The following EEF1A2 variants were observed in gnomAD, a reference collection of about 807,000 sequenced individuals.
EEF1A2 encodes the protein elongation factor 1-alpha 2.
A neutral mutation model predicts 39.3 loss-of-function variants in EEF1A2; 5 were observed. The observed-to-expected ratio is 0.13, with a 90% CI of 0.07 to 0.27. The LOEUF is 0.27. Ranked by LOEUF, EEF1A2 falls within the 10% of genes least tolerant of loss-of-function variation. EEF1A2 has a pLI of 1.00. For synonymous variants in EEF1A2, 287 were observed against 293.7 expected, an observed-to-expected ratio of 0.98 and a Z score of 0.23; for missense variants, 218 against 681.4, an observed-to-expected ratio of 0.32 and a Z score of 7.57.
chr20:63,495,111 AG>A lies in EEF1A2; in HGVS notation c.325-11del. 6.2e-7 allele frequency: 1 copy of A among 1,604,118 alleles called. No homozygotes were observed. The highest frequency in any genetic ancestry group is 8.5e-7 in the Non-Finnish European group (1 of 1,177,242). ...GCACTGCGCAGTCCGCCTGCCCGGC[AG>A]GGGACACAGTGAGCCCTGCCCCGCC... On this transcript the variant is annotated splice_polypyrimidine_tract_variant and intron_variant, in intron 3 of 7. Transcript: ENST00000217182.
chr20:63,488,744 G>A (rs1186986611), intron 7 of EEF1A2, among the ~76,000 whole-genome samples, 174 bp downstream of exon 7: 1 of 152,222 alleles, frequency 6.6e-6, no homozygotes, highest in Non-Finnish European at 1.5e-5. Context: ...TCTGGGCAGG[G>A]TCACCTGCAC....
chr20:63,490,946 C>T (rs1430766819), intron 5 of EEF1A2, among the ~76,000 whole-genome samples: 3 of 152,192 alleles, frequency 2.0e-5, no homozygotes, highest in Admixed American at 1.3e-4. Context: ...GGCTCTCCCA[C>T]CCAGCTGGGG....
intron 5 of EEF1A2, among the ~76,000 whole-genome samples, chr20:63,492,491 TGGACAGAA>T: frequency 6.6e-6 from 1 of 151,768 alleles, no homozygotes; most frequent in Non-Finnish European, 1.5e-5. Flanking sequence ...GATGGATGGA[TGGACAGAA>T]GGATGGATGG....
rs2145944984 is a variant in EEF1A2 at position 63,495,107 on chromosome 20, C to A, written c.325-6G>T. On this transcript the variant is annotated splice_polypyrimidine_tract_variant and splice_region_variant and intron_variant, in intron 3 of 7. Coordinates refer to ENST00000217182, the MANE Select transcript of EEF1A2 (RefSeq NM_001958.5). ...ATCAGCACTGCGCAGTCCGCCTGCC[C>A]GGCAGGGGACACAGTGAGCCCTGCC... The A allele has an allele frequency of 2.5e-6, 4 of 1,604,738 alleles. No homozygotes were observed. Among genetic ancestry groups the A allele is most frequent in the South Asian group, 2.2e-5 (2 of 90,956 alleles).
At chr20:63,489,271 T>G (rs1190186385) in intron 6 of EEF1A2, 119 bp from the exon 7 acceptor site, 2 of 976,982 alleles carry the variant, frequency 2.0e-6, no homozygotes, top group Non-Finnish European at 1.5e-6. Context: ...GGGCCCGGAG[T>G]GCTGACTGGA....
At chr20:63,489,420 C>CGG (rs372583413) in intron 6 of EEF1A2, among the ~76,000 whole-genome samples, 10 of 152,092 alleles carry the variant, frequency 6.6e-5, no homozygotes, top group African/African-American at 2.4e-4. Flanking sequence ...GGAACTAAGG[C>CGG]GGGGGGGTGA....
Position 63,490,565 on chromosome 20 carries a change from C to T in EEF1A2, c.943G>A (p.Val315Met), listed in dbSNP as rs1131691663. The change falls in exon 6 of 8, where the codon GTG becomes ATG. Residue 315 changes from valine (V) to methionine (M), a missense_variant. By Grantham distance (21) the Val-to-Met change is conservative. This residue lies in a region of EEF1A2 where 80 missense variants were observed against 295.9 expected (regional missense o/e 0.27). Transcript: ENST00000217182. Reference sequence around the variant, plus strand: ...CCCCGCCGGATGTCCTTCACCGACACGTTCTTCACATTGAAGCCGACGTTG... The same window carrying T: ...CCCCGCCGGATGTCCTTCACCGACATGTTCTTCACATTGAAGCCGACGTTG... Reference protein sequence around the residue: ...GDNVGFNVKNVSVKDIRRGNV... With the variant: ...GDNVGFNVKNMSVKDIRRGNV... 2 of 1,612,808 alleles carry T rather than the reference C, an allele frequency of 1.2e-6. No individual in the cohort carries two copies. Among genetic ancestry groups the T allele is most frequent in the Non-Finnish European group, 1.7e-6 (2 of 1,179,960 alleles).
chr20:63,493,506 A>T (rs1032707204), intron 4 of EEF1A2, among the ~76,000 whole-genome samples: 9 of 152,132 alleles, frequency 5.9e-5, no homozygotes, highest in African/African-American at 2.2e-4. Context: ...GAGGACAAAG[A>T]GGGAAAGCAC....
chr20:63,495,042 G>A lies in EEF1A2; in HGVS notation c.384C>T (p.Ser128=), dbSNP rs373962605. 6.8e-6 allele frequency: 11 copies of A among 1,612,524 alleles called. No individual in the cohort carries two copies. The African/African-American group carries it at 1.5e-4, about 22-fold the overall frequency. The change falls in exon 4 of 8, where the codon TCC becomes TCT. Residue 128 remains serine, a synonymous_variant. Coordinates refer to ENST00000217182, the MANE Select transcript of EEF1A2 (RefSeq NM_001958.5). ...CATGCTCCCGCGTCTGCCCATTCTT[G>A]GAGATGCCCGCCTCGAACTCGCCCA... ...AGVGEFEAGI[S]KNGQTREHAL...
chr20:63,494,242 G>T (rs1026536498), intron 4 of EEF1A2, among the ~76,000 whole-genome samples: 1 of 152,218 alleles, frequency 6.6e-6, no homozygotes, highest in Non-Finnish European at 1.5e-5. Flanking sequence ...GTCTCCACGC[G>T]TCACCTCCAG....
intron 5 of EEF1A2, among the ~76,000 whole-genome samples, chr20:63,491,779 T>TGG (rs2082380545): frequency 6.8e-6 from 1 of 146,652 alleles, no homozygotes; most frequent in African/African-American, 2.5e-5. Flanking sequence ...GATGGATGGA[T>TGG]GGATGGATGG....
rs2145944822 is a variant in EEF1A2, at chr20:63,494,936, C to T, written c.490G>A (p.Glu164Lys). 4 of 1,612,840 alleles carry T rather than the reference C, an allele frequency of 2.5e-6. No homozygotes were observed. Among genetic ancestry groups the T allele is most frequent in the South Asian group, 1.1e-5 (1 of 91,092 alleles). ...TTGACGATCTCGTCGTAGCGCTTCTCGCTGTAGGCCGGCTCTGTGGAGTCC... is the reference window on the plus strand; with the variant it reads ...TTGACGATCTCGTCGTAGCGCTTCTTGCTGTAGGCCGGCTCTGTGGAGTCC... ...KMDSTEPAYSEKRYDEIVKEV... is the reference protein window; with the variant it reads ...KMDSTEPAYSKKRYDEIVKEV... The change falls in exon 4 of 8, where the codon GAG becomes AAG. Residue 164 changes from glutamate to lysine, a missense_variant. By Grantham distance (56) the Glu-to-Lys change is moderately conservative. Around this residue, in one of 4 missense-constraint regions of EEF1A2, gnomAD observed 79 missense variants for 172.3 expected, o/e 0.46. Coordinates refer to ENST00000217182, the MANE Select transcript of EEF1A2 (RefSeq NM_001958.5).
chr20:63,488,503 G>C, intron 7 of EEF1A2, 78 bp from the exon 8 acceptor site: 1 of 1,311,958 alleles, frequency 7.6e-7, no homozygotes, highest in South Asian at 1.9e-5. Context: ...GCCGGGCGGG[G>C]GCGCAACCGC....
intron 5 of EEF1A2, among the ~76,000 whole-genome samples, chr20:63,491,988 G>A (rs1298515929): frequency 3.0e-5 from 4 of 134,282 alleles, no homozygotes; most frequent in African/African-American, 3.3e-5. Context: ...ATGGATGGAT[G>A]GATGGATGGA....
chr20:63,494,781 C>T (rs763613179), intron 4 of EEF1A2, 24 bp downstream of exon 4: 15 of 1,595,450 alleles, frequency 9.4e-6, no homozygotes, highest in East Asian at 9.0e-5. Context: ...TCCCGTGGCC[C>T]GCCCCGCCCT....
chr20:63,497,432 C>A lies in EEF1A2; in HGVS notation c.144+188G>T. On this transcript the variant is annotated intron_variant, in intron 2 of 7. Transcript: ENST00000217182. The surrounding 1 kb of genome is among the most constrained non-coding windows in gnomAD (Gnocchi z 7.3). ...CGATGGCCACCCCTCCCCCACCAAG[C>A]TCCCCCTAAGAGAGAGGCTGCCCCA... 1 of 853,484 alleles carries A rather than the reference C, an allele frequency of 1.2e-6. No homozygotes were observed. Among genetic ancestry groups the A allele is most frequent in the Non-Finnish European group, 1.7e-6 (1 of 599,230 alleles). 52.9% of individuals were successfully genotyped at this position (853,484 alleles called of 1,614,324 possible). A position where few individuals can be genotyped will look rare whatever the true frequency, so the allele number is the denominator to read the frequency against.
In EEF1A2 at chr20:63,498,261, C is replaced by G. The variant is rs1444572033; in HGVS notation, c.-71-427G>C. The G allele has an allele frequency of 6.5e-6, 1 of 152,730 alleles. No individual in the cohort carries two copies. The highest frequency in any genetic ancestry group is 1.5e-5 in the Non-Finnish European group (1 of 68,508). The allele number at this position is 152,730 out of a possible 1,614,324, so 9.5% of individuals were successfully genotyped here. A position where few individuals can be genotyped will look rare whatever the true frequency, so the allele number is the denominator to read the frequency against. ...AGGGCCAGGGACACGGCGCCCCACC[C>G]CCACCCGCTGCCACCGGGGAGAGAT... is the stretch of plus-strand genomic sequence containing the variant. On this transcript the variant is annotated intron_variant, in intron 1 of 7. Coordinates refer to ENST00000217182, the MANE Select transcript of EEF1A2 (RefSeq NM_001958.5). This position sits in a 1 kb window ranked among gnomAD's most constrained non-coding sequence, Gnocchi z 4.1.
rs969942835 is a variant in EEF1A2, at chr20:63,495,132, C to A, written c.325-31G>T. 13 of 1,596,006 alleles carry A rather than the reference C, an allele frequency of 8.1e-6. No individual in the cohort carries two copies. In the African/African-American group the frequency reaches 1.5e-4, roughly 18 times the overall value. Reference sequence around the variant, plus strand: ...CGGCAGGGGACACAGTGAGCCCTGCCCCGCCTGCCTGGCAGGGGACAGAGC... The same window carrying A: ...CGGCAGGGGACACAGTGAGCCCTGCACCGCCTGCCTGGCAGGGGACAGAGC... On this transcript the variant is annotated intron_variant, in intron 3 of 7. Transcript: ENST00000217182.
At chr20:63,490,423 C>A in intron 6 of EEF1A2, 56 bp downstream of exon 6, 1 of 1,570,334 alleles carries the variant, frequency 6.4e-7, no homozygotes, top group South Asian at 1.2e-5. Flanking sequence ...TCACCCAGGA[C>A]AGTCCTGCTG....
Sources: allele counts gnomAD v4.1 joint callset (sites outside exome capture counted in the v4.1 genomes callset), GRCh38; gene constraint gnomAD v4.1.1; regional missense constraint gnomAD v4.1.1; non-coding constraint Gnocchi (gnomAD v3.1); transcripts MANE v1.5; gene names NCBI Gene and HGNC (gene_info 2026-07-23, HGNC 2026-07-21).